EYA2: variants seen among roughly 807,000 people sequenced by gnomAD.
The protein encoded by EYA2 is EYA transcriptional coactivator and phosphatase 2.
Under a neutral mutation model 69.2 loss-of-function variants are expected in EYA2, and 31 were observed. The ratio of observed to expected loss-of-function variants is 0.45; its 90% CI spans 0.34 to 0.60. EYA2 has a LOEUF of 0.60. Among genes scored for constraint, EYA2 ranks in the 20% least tolerant of loss-of-function variants. The pLI, the probability that EYA2 is intolerant of heterozygous loss-of-function variation, is 0.02. For missense variants in EYA2, 622 were observed against 701.2 expected, an observed-to-expected ratio of 0.89 and a Z score of 1.28; for synonymous variants, 257 against 279.4, an observed-to-expected ratio of 0.92 and a Z score of 0.80.
At position 47,007,873 on chromosome 20, in the gene EYA2, C is replaced by G. The variant is rs1245767355; in HGVS notation, c.298+2789C>G. Among the ~76,000 whole-genome samples, 5 of 152,170 alleles carry G rather than the reference C, an allele frequency of 3.3e-5. No individual in the cohort carries two copies. The East Asian group carries it at 9.7e-4, about 29-fold the overall frequency. ...GAACTTCTTACCTCAAGCAATCCTC[C>G]TATCTCTGCTTCCCAAAGTGCTACA... On this transcript the variant is annotated intron_variant, in intron 4 of 15. Coordinates refer to ENST00000327619, the MANE Select transcript of EYA2 (RefSeq NM_005244.5).
intron 10 of EYA2, chr20:47,167,049 G>A (rs532889629): frequency 1.9e-5 from 3 of 154,902 alleles, no homozygotes; most frequent in Admixed American, 6.5e-5. Flanking sequence ...TGATGCAGGC[G>A]GGGTTGGCAG....
At chr20:47,135,126 C>CAAA (rs11484435) in intron 9 of EYA2, among the ~76,000 whole-genome samples, 1,837 of 58,366 alleles carry the variant, frequency 0.031, 134 homozygotes, top group Non-Finnish European at 0.047. Flanking sequence ...GACTCCATAT[C>CAAA]AAAAAAAAAA....
intron 1 of EYA2, among the ~76,000 whole-genome samples, chr20:46,948,623 T>C (rs950682814): frequency 2.6e-5 from 4 of 152,168 alleles, no homozygotes; most frequent in African/African-American, 9.7e-5. Context: ...TCTCCAACTG[T>C]TTTTCTGGTG....
At chr20:47,042,741 C>A (rs1434050315) in intron 5 of EYA2, among the ~76,000 whole-genome samples, 3 of 152,206 alleles carry the variant, frequency 2.0e-5, no homozygotes, top group Non-Finnish European at 4.4e-5. Flanking sequence ...CTTTTTCATC[C>A]TTATGCCTCT....
In EYA2 at chr20:47,110,320, C is replaced by A. The variant is rs982907339; in HGVS notation, c.888+13152C>A. ...ACAGTGGTGCAAACACGGCTCACTG[C>A]AGCCTCAACTTCCTGGGATCAAGCA... On this transcript the variant is annotated intron_variant, in intron 9 of 15. Coordinates refer to ENST00000327619, the MANE Select transcript of EYA2 (RefSeq NM_005244.5). Among the ~76,000 whole-genome samples, 19 of 152,298 alleles carry A rather than the reference C, an allele frequency of 1.2e-4. 1 individual carries two copies. In the Middle Eastern group the frequency reaches 0.01, roughly 82 times the overall value.
intron 10 of EYA2, among the ~76,000 whole-genome samples, chr20:47,144,301 A>G (rs1004583417): frequency 2.0e-5 from 3 of 151,718 alleles, no homozygotes; most frequent in Non-Finnish European, 4.4e-5. Context: ...CCTTGCGGTG[A>G]GCAGAGATCG....
intron 1 of EYA2, among the ~76,000 whole-genome samples, chr20:46,989,205 C>T (rs147165634): frequency 4.6e-5 from 7 of 152,242 alleles, no homozygotes; most frequent in Non-Finnish European, 7.4e-5. Context: ...TGAGTGTTGC[C>T]ACCTAGAGAG....
intron 5 of EYA2, among the ~76,000 whole-genome samples, chr20:47,016,523 G>A (rs543837728): frequency 9.2e-5 from 14 of 152,312 alleles, no homozygotes; most frequent in African/African-American, 3.4e-4. Flanking sequence ...TTTGGGAAGG[G>A]GTTGAATGTA....
intron 9 of EYA2, chr20:47,117,684 G>A (rs2032940613): frequency 1.0e-6 from 1 of 985,428 alleles, no homozygotes; most frequent in Non-Finnish European, 1.2e-6. Context: ...TTATGACGCA[G>A]CAGTTAAAAA....
intron 1 of EYA2, among the ~76,000 whole-genome samples, chr20:46,950,153 GGGTTT>G (rs1978709434): frequency 6.6e-6 from 1 of 152,220 alleles, no homozygotes; most frequent in Admixed American, 6.5e-5. Context: ...GACAGGGCAA[GGGTTT>G]CTCCCAGGAT....
At chr20:47,162,813 C>G (rs2034098224) in intron 10 of EYA2, among the ~76,000 whole-genome samples, 1 of 151,906 alleles carries the variant, frequency 6.6e-6, no homozygotes, top group South Asian at 2.1e-4. Context: ...GCCACCACAC[C>G]TGGCCCTCAT....
chr20:47,117,300 G>A (rs1330141471), intron 9 of EYA2: 26 of 905,534 alleles, frequency 2.9e-5, no homozygotes, highest in Non-Finnish European at 1.1e-5. Context: ...ATGAGCCACC[G>A]CACCCAGCCA....
chr20:46,934,289 C>T (rs6066126), intron 1 of EYA2, among the ~76,000 whole-genome samples: 3,613 of 152,236 alleles, frequency 0.024, 58 homozygotes, highest in Middle Eastern at 0.061. Flanking sequence ...CTCTCTCTCA[C>T]CCCGTCCCCA....
chr20:47,092,751 A>G (rs1401409677), intron 8 of EYA2, among the ~76,000 whole-genome samples: 1 of 152,212 alleles, frequency 6.6e-6, no homozygotes, highest in Admixed American at 6.5e-5. Flanking sequence ...GGCAAGAACC[A>G]TTGAAAAGGT....
chr20:46,915,437 A>C (rs1334292991), intron 1 of EYA2, among the ~76,000 whole-genome samples: 1 of 152,174 alleles, frequency 6.6e-6, no homozygotes, highest in East Asian at 1.9e-4. Context: ...GATGTTATCT[A>C]GGCCAGCCTT....
Position 47,086,506 on chromosome 20 carries a change from G to A in EYA2, c.662-2733G>A, listed in dbSNP as rs1477736360. Among the ~76,000 whole-genome samples, 5 of 151,506 alleles carry A rather than the reference G, an allele frequency of 3.3e-5. No individual in the cohort carries two copies. In the East Asian group the frequency reaches 5.8e-4, roughly 18 times the overall value. On this transcript the variant is annotated intron_variant, in intron 7 of 15. Coordinates refer to ENST00000327619, the MANE Select transcript of EYA2 (RefSeq NM_005244.5). ...CGGAAGGTAAAAGGGAAGCAGGCAC[G>A]TCTTACATAGCCAGAGCAGGAAAAG...
At chr20:47,138,230 G>A (rs6066214) in intron 9 of EYA2, among the ~76,000 whole-genome samples, 8 of 151,870 alleles carry the variant, frequency 5.3e-5, no homozygotes, top group Non-Finnish European at 1.2e-4. Flanking sequence ...GCTTTTCTGA[G>A]GCTATTCCAG....
chr20:46,979,968 A>G (rs1980721307), intron 1 of EYA2, among the ~76,000 whole-genome samples: 1 of 152,224 alleles, frequency 6.6e-6, no homozygotes, highest in Non-Finnish European at 1.5e-5. Context: ...GCCCAAGGTT[A>G]CACCGCTGAT....
chr20:47,048,286 A>G (rs947218982), intron 5 of EYA2, among the ~76,000 whole-genome samples: 1 of 152,126 alleles, frequency 6.6e-6, no homozygotes, highest in African/African-American at 2.4e-5. Context: ...TGGAGAACAC[A>G]TGCTCCATCT....
Sources: allele counts gnomAD v4.1 joint callset (sites outside exome capture counted in the v4.1 genomes callset), GRCh38; gene constraint gnomAD v4.1.1; transcripts MANE v1.5; gene names NCBI Gene and HGNC (gene_info 2026-07-23, HGNC 2026-07-21).